Variants in HEATR5A observed in about 807,000 individuals in gnomAD.
The protein encoded by HEATR5A is HEAT repeat-containing protein 5A.
A neutral mutation model predicts 218.8 loss-of-function variants in HEATR5A; 178 were observed. The ratio of observed to expected loss-of-function variants is 0.81; its 90% CI spans 0.72 to 0.92. The LOEUF is 0.92. Ranked by LOEUF, HEATR5A falls within the 40% of genes least tolerant of loss-of-function variation. The pLI, the probability that HEATR5A is intolerant of heterozygous loss-of-function variation, is 0.00. For missense variants in HEATR5A, 2,420 were observed against 2,418.9 expected, an observed-to-expected ratio of 1.00 and a Z score of -0.01; for synonymous variants, 864 against 871.6, an observed-to-expected ratio of 0.99 and a Z score of 0.15.
chr14:31,384,716 G>A (rs1478388312), intron 9 of HEATR5A, among the ~76,000 whole-genome samples: 1 of 151,786 alleles, frequency 6.6e-6, no homozygotes, highest in Admixed American at 6.6e-5. Context: ...TAGTAGAGAT[G>A]AGGTTTCACC....
chr14:31,345,125 A>T lies in HEATR5A; in HGVS notation c.3020T>A (p.Leu1007Ter), dbSNP rs1900979475. The T allele has an allele frequency of 8.1e-6, 13 of 1,613,926 alleles. No individual in the cohort carries two copies. Among genetic ancestry groups the T allele is most frequent in the Non-Finnish European group, 1.1e-5 (13 of 1,179,860 alleles). The change falls in exon 20 of 36, where the codon TTG becomes TAG. Residue 1007 changes from leucine to a stop codon, truncating the protein, a stop_gained. Transcript: ENST00000543095. LOFTEE classifies it high-confidence loss of function. Reference protein sequence around the residue: ...AEVHQSLGRCLNALITTLGPE... With the variant: ...AEVHQSLGRC ...ACCTAACGTGGTAATAAGGGCATTC[A>T]AACAGCGACCAAGGCTTTGGTGAAC...
intron 1 of HEATR5A, among the ~76,000 whole-genome samples, chr14:31,410,467 T>C (rs2139321823): frequency 6.6e-6 from 1 of 152,350 alleles, no homozygotes; most frequent in Admixed American, 6.5e-5. Context: ...TGCAAAATTA[T>C]ACGTTACAAA....
chr14:31,376,700 T>C (rs1379409469), intron 11 of HEATR5A, among the ~76,000 whole-genome samples: 8 of 152,084 alleles, frequency 5.3e-5, no homozygotes, highest in Non-Finnish European at 1.2e-4. Context: ...GGAATGAACA[T>C]GTTTTGTGTT....
At chr14:31,394,521 T>C (rs946630093) in intron 5 of HEATR5A, among the ~76,000 whole-genome samples, 3 of 151,976 alleles carry the variant, frequency 2.0e-5, no homozygotes, top group Non-Finnish European at 4.4e-5. Flanking sequence ...AATTCCAACA[T>C]TAAAAAAACT....
chr14:31,308,627 AACTTT>A lies in HEATR5A; in HGVS notation c.4690+302_4690+306del, dbSNP rs1899632646. Among the ~76,000 whole-genome samples, 10 of 152,290 alleles carry A rather than the reference AACTTT, an allele frequency of 6.6e-5. No individual in the cohort carries two copies. The South Asian group carries it at 2.1e-3, about 32-fold the overall frequency. ...CACCGGAAAACATATGGAGTTTCAT[AACTTT>A]ACTTTGGCTAAAATTTACTGGGTGA... On this transcript the variant is annotated intron_variant, in intron 29 of 35. Coordinates refer to ENST00000543095, the MANE Select transcript of HEATR5A (RefSeq NM_015473.4).
intron 12 of HEATR5A, 93 bp from the exon 13 acceptor site, chr14:31,372,002 G>A (rs539032547): frequency 3.8e-5 from 20 of 530,812 alleles, no homozygotes; most frequent in African/African-American, 3.4e-4. Context: ...TGTTATTAGA[G>A]TAATAAAGCA....
chr14:31,377,298 C>A (rs955687775), intron 11 of HEATR5A, among the ~76,000 whole-genome samples: 2 of 151,960 alleles, frequency 1.3e-5, no homozygotes, highest in African/African-American at 4.8e-5. Context: ...GACAAATGAA[C>A]CAACTTGAAG....
At chr14:31,412,542 T>TATA (rs2031312818) in intron 1 of HEATR5A, among the ~76,000 whole-genome samples, 2 of 145,616 alleles carry the variant, frequency 1.4e-5, no homozygotes, top group Admixed American at 7.0e-5. Flanking sequence ...AGAAGACAAA[T>TATA]ATATGATGTT....
chr14:31,380,800 A>C (rs1035725412), intron 10 of HEATR5A, among the ~76,000 whole-genome samples: 1 of 152,244 alleles, frequency 6.6e-6, no homozygotes, highest in African/African-American at 2.4e-5. Context: ...GTACACAACA[A>C]TCCCATAATT....
intron 12 of HEATR5A, among the ~76,000 whole-genome samples, chr14:31,373,033 C>T (rs774180718): frequency 6.6e-6 from 1 of 151,744 alleles, no homozygotes; most frequent in African/African-American, 2.4e-5. Flanking sequence ...CCACCTCCCA[C>T]GCTCAGGTAA....
At chr14:31,375,865 A>C (rs1902208360) in intron 11 of HEATR5A, among the ~76,000 whole-genome samples, 1 of 152,206 alleles carries the variant, frequency 6.6e-6, no homozygotes, top group African/African-American at 2.4e-5. Context: ...AACAATGTAC[A>C]ATGATAACAT....
chr14:31,372,179 G>C (rs1051032616), intron 12 of HEATR5A, among the ~76,000 whole-genome samples: 4 of 143,344 alleles, frequency 2.8e-5, no homozygotes, highest in African/African-American at 1.1e-4. Context: ...CTTTTACTCA[G>C]CCCTCAAGCT....
At chr14:31,393,658 ATT>A (rs11364724) in intron 6 of HEATR5A, among the ~76,000 whole-genome samples, 13 of 149,952 alleles carry the variant, frequency 8.7e-5, no homozygotes, top group East Asian at 3.9e-4. Flanking sequence ...ATTGAAATTG[ATT>A]TTTTTTTTTT....
chr14:31,380,140 G>GT (rs1232222845), intron 11 of HEATR5A, among the ~76,000 whole-genome samples: 11 of 152,082 alleles, frequency 7.2e-5, no homozygotes, highest in Non-Finnish European at 4.4e-5. Context: ...TTGTGGAAAT[G>GT]TTTTTTTCTG....
rs555839527 is a variant in HEATR5A, at chr14:31,383,488, C to T, written c.1596+33G>A. ...TGAAGATACTTCTAACAAAAAGCAC[C>T]TCATTATCATACATAGAGAATGAAA... On this transcript the variant is annotated intron_variant, in intron 10 of 35. Coordinates refer to ENST00000543095, the MANE Select transcript of HEATR5A (RefSeq NM_015473.4). 8 of 1,570,670 alleles carry T rather than the reference C, an allele frequency of 5.1e-6. No homozygotes were observed. The Admixed American group carries it at 1.5e-4, about 29-fold the overall frequency.
At chr14:31,354,398 T>C (rs142838534) in intron 16 of HEATR5A, among the ~76,000 whole-genome samples, 48 of 152,252 alleles carry the variant, frequency 3.2e-4, no homozygotes, top group African/African-American at 1.1e-3. Context: ...CAAAACAGGA[T>C]TGTCAGAGCT....
At chr14:31,403,667 T>C (rs1268632510) in intron 1 of HEATR5A, among the ~76,000 whole-genome samples, 1 of 152,224 alleles carries the variant, frequency 6.6e-6, no homozygotes, top group East Asian at 1.9e-4. Flanking sequence ...TAAATGGGTA[T>C]TGTCCAGGAA....
At chr14:31,398,383 A>C (rs1177903681) in intron 4 of HEATR5A, among the ~76,000 whole-genome samples, 1 of 152,198 alleles carries the variant, frequency 6.6e-6, no homozygotes, top group Non-Finnish European at 1.5e-5. Context: ...CAAATAGAAA[A>C]GATGGAGTAA....
At chr14:31,347,194 CTGT>C (rs1901051056) in intron 19 of HEATR5A, among the ~76,000 whole-genome samples, 1 of 152,006 alleles carries the variant, frequency 6.6e-6, no homozygotes, top group Non-Finnish European at 1.5e-5. Context: ...ATAGTAGATG[CTGT>C]TATTATTATT....
Sources: gnomAD v4.1 joint callset for allele counts (sites outside exome capture counted in the v4.1 genomes callset) on GRCh38, gnomAD v4.1.1 for gene constraint, MANE v1.5 for transcripts, NCBI Gene and HGNC (gene_info 2026-07-23, HGNC 2026-07-21) for gene names.